The following CACNA1D variants were observed in gnomAD, a reference collection of about 807,000 sequenced individuals.
CACNA1D encodes the protein voltage-dependent L-type calcium channel subunit alpha-1D.
A neutral mutation model predicts 257.1 loss-of-function variants in CACNA1D; 55 were observed. The observed-to-expected ratio is 0.21, with a 90% CI of 0.17 to 0.27. The LOEUF is 0.27. CACNA1D is among the 10% of genes least tolerant of loss of function. CACNA1D has a pLI of 1.00. For missense variants in CACNA1D, 1,876 were observed against 2,784.0 expected (o/e 0.67, Z 7.34); for synonymous variants, 980 against 1,014.9 (o/e 0.97, Z 0.65).
intron 20 of CACNA1D, among the ~76,000 whole-genome samples, chr3:53,738,769 G>A (rs1381469352): frequency 6.6e-6 from 1 of 151,942 alleles, no homozygotes; most frequent in Non-Finnish European, 1.5e-5. Context: ...TTAAAAAAGA[G>A]AGCGAGAGAA....
intron 3 of CACNA1D, among the ~76,000 whole-genome samples, chr3:53,567,524 A>C (rs2092866575): frequency 6.6e-6 from 1 of 152,216 alleles, no homozygotes; most frequent in East Asian, 1.9e-4. Context: ...GCCACCTTTC[A>C]AAATAGAGCT....
chr3:53,692,403 C>G (rs2094536803), intron 8 of CACNA1D, among the ~76,000 whole-genome samples: 1 of 152,088 alleles, frequency 6.6e-6, no homozygotes, highest in Non-Finnish European at 1.5e-5. Context: ...GCACAGTGGC[C>G]TGGTGTTGAA....
At chr3:53,697,087 C>A (rs937195035) in intron 8 of CACNA1D, among the ~76,000 whole-genome samples, 9 of 152,234 alleles carry the variant, frequency 5.9e-5, no homozygotes, top group African/African-American at 2.2e-4. Flanking sequence ...AGATTCCTTA[C>A]TGAGTAATTG....
intron 8 of CACNA1D, among the ~76,000 whole-genome samples, chr3:53,674,546 AAAG>A (rs1408376396): frequency 5.3e-5 from 8 of 152,354 alleles, no homozygotes; most frequent in African/African-American, 1.4e-4. Flanking sequence ...GACTCTCCAT[AAAG>A]AGGGTGCAAC....
intron 20 of CACNA1D, among the ~76,000 whole-genome samples, chr3:53,737,099 G>A (rs925562043): frequency 2.0e-5 from 3 of 151,996 alleles, no homozygotes; most frequent in African/African-American, 7.3e-5. Context: ...AGGAGTTTGA[G>A]ACCAGCCTGG....
intron 15 of CACNA1D, among the ~76,000 whole-genome samples, chr3:53,728,580 T>G (rs1267188566): frequency 6.6e-6 from 1 of 152,108 alleles, no homozygotes; most frequent in East Asian, 1.9e-4. Context: ...AAATGAAAGG[T>G]CATTATTTTC....
chr3:53,805,096 A>C lies in CACNA1D; in HGVS notation c.5699A>C (p.Tyr1900Ser), dbSNP rs772551322. ...FLEDDDSPVCYDSRRSPRRRL... is the reference protein window; with the variant it reads ...FLEDDDSPVCSDSRRSPRRRL... The stretch of plus-strand genomic sequence containing the variant: ...GAGGACGATGACTCGCCCGTTTGCT[A>C]TGATTCACGGAGATCTCCAAGGAGA... Residue 1900 changes from tyrosine to serine, a missense_variant, in exon 45 of 48, where the codon TAT becomes TCT. Transcript: ENST00000350061. The C allele has an allele frequency of 6.2e-7, 1 of 1,614,080 alleles. No individual in the cohort carries two copies. Among genetic ancestry groups the C allele is most frequent in the Non-Finnish European group, 8.5e-7 (1 of 1,180,028 alleles).
At chr3:53,602,554 T>G (rs1384575376) in intron 3 of CACNA1D, among the ~76,000 whole-genome samples, 1 of 152,262 alleles carries the variant, frequency 6.6e-6, no homozygotes, top group East Asian at 1.9e-4. Flanking sequence ...AGTGCTGTAT[T>G]AATTTATATG....
rs2094979339 is a variant in CACNA1D at position 53,730,491 on chromosome 3, T to C, written c.2271T>C (p.Asp757=). 1.9e-6 allele frequency: 3 copies of C among 1,614,042 alleles called. No individual in the cohort carries two copies. The highest frequency in any genetic ancestry group is 1.1e-5 in the South Asian group (1 of 91,092). ...CCATCGCTGTAGACAATTTGGCTGATGCTGAAAGTCTGAACACTGCTCAGA... is the reference window on the plus strand; with the variant it reads ...CCATCGCTGTAGACAATTTGGCTGACGCTGAAAGTCTGAACACTGCTCAGA... ...FLAIAVDNLA[D]AESLNTAQKE... Residue 757 remains aspartate (D), a synonymous_variant, in exon 16 of 48, where the codon GAT becomes GAC. Coordinates refer to ENST00000350061, the MANE Select transcript of CACNA1D (RefSeq NM_001128840.3).
chr3:53,507,113 G>A (rs936228196), intron 3 of CACNA1D, among the ~76,000 whole-genome samples: 3 of 150,122 alleles, frequency 2.0e-5, no homozygotes, highest in African/African-American at 7.3e-5. Flanking sequence ...GTGGTAGAAG[G>A]GGAGAGAGCC....
intron 3 of CACNA1D, among the ~76,000 whole-genome samples, chr3:53,640,091 A>C (rs1007401670): frequency 2.0e-5 from 3 of 151,402 alleles, no homozygotes; most frequent in Admixed American, 6.6e-5. Context: ...TGAACTCATG[A>C]TCTCAGGTGA....
intron 9 of CACNA1D, among the ~76,000 whole-genome samples, chr3:53,708,753 T>C (rs115748911): frequency 3.3e-5 from 5 of 152,330 alleles, no homozygotes; most frequent in Non-Finnish European, 7.3e-5. Flanking sequence ...TTTCAAAGTA[T>C]ATAAAGTAAG....
At position 53,810,318 on chromosome 3, in the gene CACNA1D, G is replaced by T; in HGVS notation, c.6192+20G>T. 1 of 1,610,654 alleles carries T rather than the reference G, an allele frequency of 6.2e-7. No homozygotes were observed. Among genetic ancestry groups the T allele is most frequent in the South Asian group, 1.1e-5 (1 of 91,034 alleles). On this transcript the variant is annotated intron_variant, in intron 47 of 47. Transcript: ENST00000350061. ...GAGGCAGTGAGTACGGTTCTTGGCC[G>T]TGGTGGGCAGGAAGCACCAGGAGCA...
chr3:53,781,026 A>C (rs1014905889), intron 38 of CACNA1D, among the ~76,000 whole-genome samples: 1 of 152,232 alleles, frequency 6.6e-6, no homozygotes, highest in East Asian at 1.9e-4. Context: ...CCAGGCCAGC[A>C]TTGTTAAGGG....
At chr3:53,566,890 T>C (rs1046912926) in intron 3 of CACNA1D, among the ~76,000 whole-genome samples, 4 of 152,238 alleles carry the variant, frequency 2.6e-5, no homozygotes, top group Non-Finnish European at 4.4e-5. Context: ...TCACCCCTGC[T>C]GTTTTCCTTC....
intron 26 of CACNA1D, among the ~76,000 whole-genome samples, chr3:53,748,315 T>C (rs935863599): frequency 4.6e-5 from 7 of 151,970 alleles, no homozygotes; most frequent in Non-Finnish European, 1.0e-4. Context: ...CTGCAGGAGG[T>C]GGGCAGGCTG....
At chr3:53,643,361 A>C (rs1366463069) in intron 3 of CACNA1D, among the ~76,000 whole-genome samples, 1 of 151,960 alleles carries the variant, frequency 6.6e-6, no homozygotes, top group African/African-American at 2.4e-5. Context: ...ATTTTACTAG[A>C]GGTTGAATCG....
chr3:53,638,405 A>C (rs2093910761), intron 3 of CACNA1D, among the ~76,000 whole-genome samples: 1 of 152,164 alleles, frequency 6.6e-6, no homozygotes. Flanking sequence ...GAGTATACTA[A>C]CTTAGTATTT....
In CACNA1D at chr3:53,774,208, G is replaced by T; in HGVS notation, c.4111-379G>T. ...GTATCTTTCAGTTCTGAGTTTACAT[G>T]TCACTTCCCCCTAGAGGCCTTCCCT... On this transcript the variant is annotated intron_variant, in intron 33 of 47. Coordinates refer to ENST00000350061, the MANE Select transcript of CACNA1D (RefSeq NM_001128840.3). This position sits in a 1 kb window ranked among gnomAD's most constrained non-coding sequence, Gnocchi z 4.3. The T allele has an allele frequency of 3.6e-6, 1 of 280,316 alleles. No homozygotes were observed. The highest frequency in any genetic ancestry group is 4.1e-5 in the South Asian group (1 of 24,278). The allele number at this position is 280,316 out of a possible 1,614,324, so 17.4% of individuals were successfully genotyped here.
Sources: gnomAD v4.1 joint callset for allele counts (sites outside exome capture counted in the v4.1 genomes callset) on GRCh38, gnomAD v4.1.1 for gene constraint, Gnocchi (gnomAD v3.1) non-coding constraint, MANE v1.5 for transcripts, NCBI Gene and HGNC (gene_info 2026-07-23, HGNC 2026-07-21) for gene names.